The following UGT2B4 variants were observed in gnomAD, a reference collection of about 807,000 sequenced individuals.
The protein encoded by UGT2B4 is UDP-glucuronosyltransferase 2B4.
Under a neutral mutation model 49.8 loss-of-function variants are expected in UGT2B4, and 49 were observed. The observed-to-expected ratio is 0.98, with a 90% confidence interval of 0.78 to 1.25. The LOEUF is 1.25. Among genes scored for constraint, UGT2B4 ranks in the 50% most tolerant of loss-of-function variants. UGT2B4 has a pLI of 0.00. For synonymous variants in UGT2B4, 246 were observed against 217.7 expected (o/e 1.13, Z -1.14); for missense variants, 729 against 627.7 (o/e 1.16, Z -1.73).
intron 5 of UGT2B4, 138 bp from the exon 6 acceptor site, chr4:69,481,048 C>T (rs1727573052): frequency 1.8e-6 from 1 of 542,104 alleles, no homozygotes; most frequent in Non-Finnish European, 2.8e-6. Context: ...ACCATCCTGG[C>T]TAACACGGTG....
intron 5 of UGT2B4, 24 bp downstream of exon 5, chr4:69,485,184 G>A (rs759852640): frequency 2.1e-5 from 34 of 1,612,342 alleles, no homozygotes; most frequent in Middle Eastern, 1.6e-4. Context: ...AAAGACCACC[G>A]AGTAAAAAAA....
chr4:69,512,742 T>G (rs1382036468), intron 1 of UGT2B4, among the ~76,000 whole-genome samples: 1 of 152,102 alleles, frequency 6.6e-6, no homozygotes, highest in East Asian at 1.9e-4. Flanking sequence ...TTGTTTGTTT[T>G]GTTTTGTTTT....
intron 1 of UGT2B4, among the ~76,000 whole-genome samples, chr4:69,511,470 T>C (rs1468315585): frequency 3.3e-5 from 5 of 152,206 alleles, no homozygotes; most frequent in Non-Finnish European, 7.3e-5. Flanking sequence ...TTTTTGTATG[T>C]TCAACAATCC....
At chr4:69,523,214 T>G (rs1728885074) in intron 1 of UGT2B4, among the ~76,000 whole-genome samples, 1 of 151,906 alleles carries the variant, frequency 6.6e-6, no homozygotes, top group Non-Finnish European at 1.5e-5. Flanking sequence ...TCAAATATCT[T>G]CTAAAATGGT....
intron 1 of UGT2B4, among the ~76,000 whole-genome samples, chr4:69,522,889 T>C (rs999995435): frequency 2.0e-5 from 3 of 152,190 alleles, no homozygotes; most frequent in Non-Finnish European, 4.4e-5. Context: ...TCCAAATACT[T>C]TGTTGTCATC....
chr4:69,483,075 T>A (rs1997581), intron 5 of UGT2B4, among the ~76,000 whole-genome samples: 37,564 of 152,018 alleles, frequency 0.25, 4,871 homozygotes, highest in East Asian at 0.43. Flanking sequence ...TATTTTCCTA[T>A]ATAATTGAGA....
intron 1 of UGT2B4, among the ~76,000 whole-genome samples, chr4:69,508,059 G>A (rs555782488): frequency 6.6e-6 from 1 of 152,234 alleles, no homozygotes; most frequent in Admixed American, 6.5e-5. Context: ...CTTTTCAAAA[G>A]AAGATATACC....
chr4:69,485,306 T>G lies in UGT2B4; in HGVS notation c.1212A>C (p.Ala404=), dbSNP rs41297431. The G allele has an allele frequency of 1.9e-6, 3 of 1,614,044 alleles. No homozygotes were observed. Among genetic ancestry groups the G allele is most frequent in the Non-Finnish European group, 1.7e-6 (2 of 1,179,948 alleles). ...PLFADQPDNI[A]HMKAKGAAVS... Reference sequence around the variant, plus strand: ...CAGCTGCTCCCTTGGCCTTCATGTGTGCAATGTTATCAGGTTGATCTGCAA... The same window carrying G: ...CAGCTGCTCCCTTGGCCTTCATGTGGGCAATGTTATCAGGTTGATCTGCAA... Residue 404 remains alanine (A), a synonymous_variant, in exon 5 of 6, where the codon GCA becomes GCC. Coordinates refer to ENST00000305107, the MANE Select transcript of UGT2B4 (RefSeq NM_021139.3).
chr4:69,483,690 A>C (rs1442908063), intron 5 of UGT2B4, among the ~76,000 whole-genome samples: 1 of 152,152 alleles, frequency 6.6e-6, no homozygotes, highest in Non-Finnish European at 1.5e-5. Context: ...CCCCTTTTAC[A>C]TAAAAACATT....
At chr4:69,511,834 T>C (rs1728611271) in intron 1 of UGT2B4, among the ~76,000 whole-genome samples, 1 of 152,128 alleles carries the variant, frequency 6.6e-6, no homozygotes, top group Non-Finnish European at 1.5e-5. Flanking sequence ...TCAATCTCCT[T>C]ATTCATTATT....
Position 69,495,266 on chromosome 4 carries a change from G to A in UGT2B4, c.596C>T (p.Ser199Leu). ...FPPSYVPVVM[S>L]ELSDQMTFIE... Reference sequence around the variant, plus strand: ...GAAAGTCATTTGGTCACTTAGTTCTGACATAACAACAGGCACATAGGAAGG... The same window carrying A: ...GAAAGTCATTTGGTCACTTAGTTCTAACATAACAACAGGCACATAGGAAGG... Residue 199 changes from serine to leucine, a missense_variant, in exon 1 of 6, where the codon TCA (serine) becomes TTA (leucine). Ser to Leu is a moderately radical substitution (Grantham distance 145). Transcript: ENST00000305107. 1.9e-6 allele frequency: 3 copies of A among 1,613,348 alleles called. No homozygotes were observed. Among genetic ancestry groups the A allele is most frequent in the Non-Finnish European group, 2.5e-6 (3 of 1,179,728 alleles).
chr4:69,525,604 A>T, intron 1 of UGT2B4: 1 of 850,764 alleles, frequency 1.2e-6, no homozygotes, highest in Non-Finnish European at 1.5e-6. Context: ...GATATGGGTT[A>T]GACAATAGAT....
At position 69,495,553 on chromosome 4, in the gene UGT2B4, G is replaced by T; in HGVS notation, c.309C>A (p.Asp103Glu). 1.2e-6 allele frequency: 2 copies of T among 1,613,586 alleles called. No individual in the cohort carries two copies. The highest frequency in any genetic ancestry group is 4.5e-5 in the East Asian group (2 of 44,776). The change falls in exon 1 of 6, where the codon GAC becomes GAA. Residue 103 changes from aspartate to glutamate, a missense_variant. Physicochemically the swap from Asp to Glu is conservative, Grantham distance 45. Coordinates refer to ENST00000305107, the MANE Select transcript of UGT2B4 (RefSeq NM_021139.3). Reference protein sequence around the residue: ...LVKRWAELPKDTFWSYFSQVQ... With the variant: ...LVKRWAELPKETFWSYFSQVQ... ...CTTGTGAAAAATATGACCAAAATGT[G>T]TCTTTTGGAAGTTCTGCCCATCTCT...
intron 1 of UGT2B4, among the ~76,000 whole-genome samples, chr4:69,521,326 C>A (rs1260439504): frequency 6.6e-5 from 10 of 152,148 alleles, no homozygotes; most frequent in Non-Finnish European, 1.5e-4. Flanking sequence ...GAGCCCAGAC[C>A]TAAGGTCTCC....
intron 1 of UGT2B4, among the ~76,000 whole-genome samples, chr4:69,502,089 C>CTTT (rs879676979): frequency 1.2e-5 from 1 of 84,052 alleles, no homozygotes; most frequent in African/African-American, 4.6e-5. Context: ...CTTTCTTTCT[C>CTTT]TCTCTTTCTT....
At chr4:69,506,457 A>C (rs145529797) in intron 1 of UGT2B4, among the ~76,000 whole-genome samples, 1 of 152,204 alleles carries the variant, frequency 6.6e-6, no homozygotes, top group Non-Finnish European at 1.5e-5. Context: ...ACCTCTATGC[A>C]CAAGAACTAC....
At chr4:69,525,858 T>C in exon 1 of UGT2B4, 1 of 472,388 alleles carries the variant, frequency 2.1e-6, no homozygotes, top group Non-Finnish European at 3.1e-6. Context: ...TCCCAGCACT[T>C]TGGGAGGCCA....
At chr4:69,502,364 C>T (rs1473436747) in intron 1 of UGT2B4, among the ~76,000 whole-genome samples, 1 of 151,802 alleles carries the variant, frequency 6.6e-6, no homozygotes, top group Non-Finnish European at 1.5e-5. Context: ...CTGTGTTAGA[C>T]CTCCCAACTG....
chr4:69,520,141 T>C (rs1237432919), intron 1 of UGT2B4, among the ~76,000 whole-genome samples: 3 of 152,066 alleles, frequency 2.0e-5, no homozygotes, highest in African/African-American at 4.8e-5. Context: ...GAAAAATATA[T>C]CACATATATT....
Sources: allele counts gnomAD v4.1 joint callset (sites outside exome capture counted in the v4.1 genomes callset), GRCh38; gene constraint gnomAD v4.1.1; transcripts MANE v1.5; gene names NCBI Gene and HGNC (gene_info 2026-07-23, HGNC 2026-07-21).